The following CD84 variants were observed in gnomAD, a reference collection of about 807,000 sequenced individuals.
CD84 encodes the protein CD84 molecule.
CD84 carries 22 observed loss-of-function variants against 33.8 expected under a neutral mutation model. The ratio of observed to expected loss-of-function variants is 0.65; its 90% CI spans 0.46 to 0.93. The LOEUF (loss-of-function observed/expected upper bound fraction) is 0.93. Among genes scored for constraint, CD84 ranks in the 40% least tolerant of loss-of-function variants. The pLI is 0.00. For missense variants in CD84, 400 were observed against 397.6 expected, an observed-to-expected ratio of 1.01 and a Z score of -0.05; for synonymous variants, 154 against 145.2, an observed-to-expected ratio of 1.06 and a Z score of -0.44.
At chr1:160,566,622 T>C (rs911989378) in intron 1 of CD84, among the ~76,000 whole-genome samples, 3 of 152,180 alleles carry the variant, frequency 2.0e-5, no homozygotes, top group African/African-American at 7.2e-5. Context: ...GAAACAGATA[T>C]AATTCTTGCT....
chr1:160,565,515 T>C lies in CD84; in HGVS notation c.277A>G (p.Asn93Asp). 1.9e-6 allele frequency: 3 copies of C among 1,614,028 alleles called. No individual in the cohort carries two copies. The highest frequency in any genetic ancestry group is 2.5e-6 in the Non-Finnish European group (3 of 1,179,920). ...ATCCTCAGATCGCTAATGACCAGAT[T>C]GTAGTTCGGACCTAAGGCATGTATC... ...ERIHALGPNY[N>D]LVISDLRMED... Residue 93 changes from asparagine (N) to aspartate (D), a missense_variant, in exon 2 of 7, where the codon AAT (asparagine) becomes GAT (aspartate). Coordinates refer to ENST00000368054, the MANE Select transcript of CD84 (RefSeq NM_003874.4).
Position 160,553,511 on chromosome 1 carries a change from A to G in CD84, c.641-14T>C. On this transcript the variant is annotated splice_polypyrimidine_tract_variant and intron_variant, in intron 3 of 6. Coordinates refer to ENST00000368054, the MANE Select transcript of CD84 (RefSeq NM_003874.4). ...CCATTGCGATGTCTGGAAATAGAAGATGCAGTGAGTCTTGATTCTCAGGAA... is the reference window on the plus strand; with the variant it reads ...CCATTGCGATGTCTGGAAATAGAAGGTGCAGTGAGTCTTGATTCTCAGGAA... 1 of 1,614,008 alleles carries G rather than the reference A, an allele frequency of 6.2e-7. No individual in the cohort carries two copies. The highest frequency in any genetic ancestry group is 8.5e-7 in the Non-Finnish European group (1 of 1,179,892).
In CD84 at chr1:160,546,823, A is replaced by G. The variant is rs1214619670; in HGVS notation, c.*1433T>C. ...GCTGGAATTGTCTCCTGAGCTACACAAGAGCAGACATTATGCACATCTTCT... is the reference window on the plus strand; with the variant it reads ...GCTGGAATTGTCTCCTGAGCTACACGAGAGCAGACATTATGCACATCTTCT... On this transcript the variant is annotated 3_prime_UTR_variant, in exon 7 of 7. Transcript: ENST00000368054. The G allele has an allele frequency of 1.8e-5, 5 of 284,392 alleles. No individual in the cohort carries two copies. The South Asian group carries it at 8.3e-4, about 47-fold the overall frequency. 17.6% of individuals were successfully genotyped at this position (284,392 alleles called of 1,614,324 possible). A position where few individuals can be genotyped will look rare whatever the true frequency, so the allele number is the denominator to read the frequency against.
chr1:160,549,795 T>G (rs1021642141), intron 6 of CD84, 122 bp downstream of exon 6: 1 of 792,442 alleles, frequency 1.3e-6, no homozygotes, highest in Non-Finnish European at 2.3e-6. Context: ...ACCTAGGCAG[T>G]GGGTCCTGAG....
intron 1 of CD84, among the ~76,000 whole-genome samples, chr1:160,570,562 T>A (rs192006343): frequency 1.3e-5 from 2 of 152,340 alleles, no homozygotes; most frequent in Admixed American, 1.3e-4. Context: ...GACTTCTGTG[T>A]CTTTAAGAAG....
At position 160,550,973 on chromosome 1, in the gene CD84, C is replaced by G. The variant is rs1032762261; in HGVS notation, c.823G>C (p.Glu275Gln). ...IMASRNTQPA[E>Q]SRIYDEILQS... ...AGGATTTCATCATAGATTCTGGACT[C>G]TGCTGGCTGGGTGTTCCTTGAAGCC... The change falls in exon 5 of 7, where the codon GAG becomes CAG. Residue 275 changes from glutamate to glutamine, a missense_variant. Glu to Gln is a conservative substitution (Grantham distance 29, BLOSUM62 2). Coordinates refer to ENST00000368054, the MANE Select transcript of CD84 (RefSeq NM_003874.4). The G allele has an allele frequency of 1.9e-6, 3 of 1,614,022 alleles. No individual in the cohort carries two copies. Among genetic ancestry groups the G allele is most frequent in the African/African-American group, 2.7e-5 (2 of 74,924 alleles).
intron 1 of CD84, among the ~76,000 whole-genome samples, chr1:160,571,906 C>G (rs193121311): frequency 3.6e-4 from 54 of 152,052 alleles, no homozygotes; most frequent in African/African-American, 1.3e-3. Context: ...ACACAGGCTA[C>G]TAATGCTTGT....
chr1:160,549,291 T>A (rs958759636), intron 6 of CD84, among the ~76,000 whole-genome samples: 1 of 152,134 alleles, frequency 6.6e-6, no homozygotes, highest in Non-Finnish European at 1.5e-5. Flanking sequence ...AAAACATGAT[T>A]CTTTAAGCAA....
At chr1:160,572,503 G>A (rs757477879) in intron 1 of CD84, among the ~76,000 whole-genome samples, 29 of 152,088 alleles carry the variant, frequency 1.9e-4, no homozygotes, top group African/African-American at 6.5e-4. Flanking sequence ...ATGCAATTGC[G>A]AAGATAAAGC....
chr1:160,558,424 C>T (rs1462262529), intron 2 of CD84, among the ~76,000 whole-genome samples: 1 of 152,082 alleles, frequency 6.6e-6, no homozygotes, highest in Admixed American at 6.5e-5. Flanking sequence ...GAAAGAAAAA[C>T]CAACAAACAG....
chr1:160,551,822 G>A (rs1309852597), intron 4 of CD84, among the ~76,000 whole-genome samples: 2 of 152,212 alleles, frequency 1.3e-5, no homozygotes, highest in South Asian at 2.1e-4. Context: ...TGGGATTACA[G>A]GCATGAGCCA....
chr1:160,557,237 T>C (rs1312182465), intron 2 of CD84, among the ~76,000 whole-genome samples: 3 of 152,222 alleles, frequency 2.0e-5, no homozygotes, highest in Non-Finnish European at 4.4e-5. Context: ...ATCCCAACAT[T>C]AGCGTTCTTT....
rs145777495 is a variant in CD84 at position 160,566,208 on chromosome 1, A to C, written c.47-463T>G. ...GTGATCTCTGTAAAAAGCAAGTAACACTTTTGTCTCTTTTCTTGGAAGATA... is the reference window on the plus strand; with the variant it reads ...GTGATCTCTGTAAAAAGCAAGTAACCCTTTTGTCTCTTTTCTTGGAAGATA... On this transcript the variant is annotated intron_variant, in intron 1 of 6. Transcript: ENST00000368054. Among the ~76,000 whole-genome samples, 40 of 152,224 alleles carry C rather than the reference A, an allele frequency of 2.6e-4. No homozygotes were observed. In the South Asian group the frequency reaches 6.8e-3, roughly 26 times the overall value.
intron 1 of CD84, 145 bp downstream of exon 1, chr1:160,579,246 GT>G (rs1303271917): frequency 2.0e-6 from 2 of 1,014,384 alleles, no homozygotes; most frequent in Non-Finnish European, 2.8e-6. Flanking sequence ...TCCCCAGCCA[GT>G]TGGATCCTGT....
Position 160,543,594 on chromosome 1 carries a change from C to CATT in CD84, c.*4659_*4661dup, listed in dbSNP as rs200375523. The stretch of plus-strand genomic sequence containing the variant: ...GGCTCCCTATCTTCAAGGAGCTCTC[C>CATT]ATTATTATTTATTATTATTATTATT... On this transcript the variant is annotated 3_prime_UTR_variant, in exon 7 of 7. Transcript: ENST00000368054. 7.0e-5 allele frequency: 6 copies of CATT among 86,000 alleles called. No individual in the cohort carries two copies. The highest frequency in any genetic ancestry group is 2.2e-4 in the African/African-American group (6 of 27,526). 5.3% of individuals were successfully genotyped at this position (86,000 alleles called of 1,614,324 possible).
intron 2 of CD84, among the ~76,000 whole-genome samples, chr1:160,558,466 A>G (rs1656751513): frequency 6.6e-6 from 1 of 152,222 alleles, no homozygotes; most frequent in Non-Finnish European, 1.5e-5. Context: ...AAGACCTCAG[A>G]AAAACCCCAT....
chr1:160,550,980 C>T lies in CD84; in HGVS notation c.816G>A (p.Gln272=), dbSNP rs138181831. 15 of 1,614,154 alleles carry T rather than the reference C, an allele frequency of 9.3e-6. No individual in the cohort carries two copies. The highest frequency in any genetic ancestry group is 1.2e-5 in the Non-Finnish European group (14 of 1,180,004). The change falls in exon 5 of 7, where the codon CAG becomes CAA. Residue 272 remains glutamine, a synonymous_variant. Coordinates refer to ENST00000368054, the MANE Select transcript of CD84 (RefSeq NM_003874.4). The part of the protein sequence containing the change: ...YTYIMASRNT[Q]PAESRIYDEI... ...CATCATAGATTCTGGACTCTGCTGG[C>T]TGGGTGTTCCTTGAAGCCATGATAT...
At chr1:160,552,761 A>AT (rs748312901) in intron 4 of CD84, 1 of 1,531,446 alleles carries the variant, frequency 6.5e-7, no homozygotes, top group African/African-American at 1.4e-5. Context: ...CCCAAAGGAG[A>AT]GTCAGGAACA....
intron 1 of CD84, 39 bp from the exon 2 acceptor site, chr1:160,565,784 T>C: frequency 1.4e-6 from 2 of 1,479,594 alleles, no homozygotes; most frequent in Non-Finnish European, 1.8e-6. Context: ...ATCTGACTGT[T>C]GCAGCTTTTT....
Sources: gnomAD v4.1 joint callset for allele counts (sites outside exome capture counted in the v4.1 genomes callset) on GRCh38, gnomAD v4.1.1 for gene constraint, MANE v1.5 for transcripts, NCBI Gene and HGNC (gene_info 2026-07-23, HGNC 2026-07-21) for gene names.